NOL4L: variants seen among roughly 807,000 people sequenced by gnomAD.
NOL4L encodes the protein nucleolar protein 4-like.
NOL4L carries 7 observed loss-of-function variants against 64.5 expected under a neutral mutation model. That is an observed-to-expected ratio of 0.11 (90% CI 0.06 to 0.20). NOL4L has a LOEUF of 0.20. NOL4L is among the 10% of genes least tolerant of loss of function. The probability of loss-of-function intolerance (pLI) is 1.00; values close to 1 mark genes in which losing one functional copy is unlikely to be tolerated. For missense variants in NOL4L, 680 were observed against 967.1 expected (o/e 0.70, Z 3.94); for synonymous variants, 413 against 401.0 (o/e 1.03, Z -0.36).
chr20:32,547,870 C>T (rs2018752079), intron 1 of NOL4L, among the ~76,000 whole-genome samples: 1 of 152,180 alleles, frequency 6.6e-6, no homozygotes, highest in Non-Finnish European at 1.5e-5. Flanking sequence ...CTCCCATGAG[C>T]TCTGGGGCAA....
At chr20:32,578,923 G>A (rs1240525380) in intron 1 of NOL4L, among the ~76,000 whole-genome samples, 1 of 152,224 alleles carries the variant, frequency 6.6e-6, no homozygotes, top group Non-Finnish European at 1.5e-5. Context: ...GGGGGTGGCA[G>A]TGGGAAGCTG....
chr20:32,467,538 A>G (rs1456828531), intron 5 of NOL4L, among the ~76,000 whole-genome samples: 1 of 152,188 alleles, frequency 6.6e-6, no homozygotes, highest in East Asian at 1.9e-4. Context: ...ACAGGCCTCC[A>G]TGGCAGAGGG....
At chr20:32,492,271 C>T (rs760324807) in intron 4 of NOL4L, among the ~76,000 whole-genome samples, 9 of 152,172 alleles carry the variant, frequency 5.9e-5, no homozygotes, top group African/African-American at 1.9e-4. Context: ...AAACTACTGA[C>T]GCATGCCATA....
intron 1 of NOL4L, among the ~76,000 whole-genome samples, chr20:32,542,117 G>A (rs1399353773): frequency 6.6e-6 from 1 of 152,210 alleles, no homozygotes; most frequent in African/African-American, 2.4e-5. Context: ...CAGAATGGCT[G>A]GGGCAAGGTC....
intron 2 of NOL4L, among the ~76,000 whole-genome samples, chr20:32,521,140 G>A (rs2017918691): frequency 6.6e-6 from 1 of 152,164 alleles, no homozygotes; most frequent in South Asian, 2.1e-4. Context: ...CAATAAAGGA[G>A]GTTAAAAATT....
chr20:32,538,866 G>A (rs1328395625), intron 1 of NOL4L, among the ~76,000 whole-genome samples: 4 of 152,224 alleles, frequency 2.6e-5, no homozygotes, highest in African/African-American at 7.2e-5. Flanking sequence ...GCCCTCTCCC[G>A]GAAAGGGAGA....
chr20:32,479,680 A>G (rs1600716378), intron 4 of NOL4L, among the ~76,000 whole-genome samples: 1 of 152,138 alleles, frequency 6.6e-6, no homozygotes, highest in African/African-American at 2.4e-5. Context: ...CCCTTTGGAC[A>G]CCCTGAAGCC....
At chr20:32,497,862 G>A (rs1406799785) in intron 4 of NOL4L, among the ~76,000 whole-genome samples, 2 of 152,198 alleles carry the variant, frequency 1.3e-5, no homozygotes, top group African/African-American at 4.8e-5. Flanking sequence ...GGACGCCCAG[G>A]TAGCAGCTCC....
intron 1 of NOL4L, among the ~76,000 whole-genome samples, chr20:32,583,513 G>A (rs1190028714): frequency 2.1e-5 from 3 of 142,816 alleles, no homozygotes; most frequent in African/African-American, 7.7e-5. Flanking sequence ...CCCGGCTCTC[G>A]CGCTCCGGCC....
chr20:32,450,782 G>T (rs558959520), intron 10 of NOL4L, among the ~76,000 whole-genome samples: 4 of 152,180 alleles, frequency 2.6e-5, no homozygotes, highest in Non-Finnish European at 5.9e-5. Flanking sequence ...CCATGTGTAG[G>T]GGGGGCAGGG....
At chr20:32,457,983 A>T (rs1277717811) in intron 5 of NOL4L, among the ~76,000 whole-genome samples, 1 of 152,098 alleles carries the variant, frequency 6.6e-6, no homozygotes, top group Non-Finnish European at 1.5e-5. Flanking sequence ...CTCCTGGGGG[A>T]CAGATGTGCC....
At chr20:32,560,727 C>T (rs1344792025) in intron 1 of NOL4L, among the ~76,000 whole-genome samples, 1 of 152,220 alleles carries the variant, frequency 6.6e-6, no homozygotes, top group Non-Finnish European at 1.5e-5. Context: ...TGGGTTTCAA[C>T]CCAGCCCTCC....
chr20:32,447,429 A>AAAATT lies in NOL4L; in HGVS notation c.*166_*167insAATTT. The AAAATT allele has an allele frequency of 4.0e-6, 3 of 757,710 alleles. No individual in the cohort carries two copies. The highest frequency in any genetic ancestry group is 6.1e-6 in the Non-Finnish European group (3 of 494,144). The allele number at this position is 757,710 out of a possible 1,614,324, so 46.9% of individuals were successfully genotyped here. Reference sequence around the variant, plus strand: ...AAAAAAAAAAAAAAAAAAAAAAAAAAGTGTCCTTGTGCCCAAAGTCTCAGG... The same window carrying AAAATT: ...AAAAAAAAAAAAAAAAAAAAAAAAAAAAATTGTGTCCTTGTGCCCAAAGTCTCAGG... On this transcript the variant is annotated 3_prime_UTR_variant, in exon 11 of 11. Coordinates refer to ENST00000621426, the MANE Select transcript of NOL4L (RefSeq NM_001256798.2).
In NOL4L at chr20:32,511,398, G is replaced by A; in HGVS notation, c.648C>T (p.Thr216=). The change falls in exon 4 of 11, where the codon ACC becomes ACT. Residue 216 remains threonine (T), a synonymous_variant. Coordinates refer to ENST00000621426, the MANE Select transcript of NOL4L (RefSeq NM_001256798.2). ...GCTTCATCTGCTTCAGGTAGGTGGA[G>A]GTGAGGGGCATGTTGTAATCAATAA... ...SGIIDYNMPL[T]STYLKQMKLR... 1.3e-6 allele frequency: 2 copies of A among 1,550,520 alleles called. No individual in the cohort carries two copies. Among genetic ancestry groups the A allele is most frequent in the South Asian group, 2.4e-5 (2 of 84,050 alleles).
At chr20:32,471,362 C>A (rs1600694530) in intron 5 of NOL4L, among the ~76,000 whole-genome samples, 1 of 137,932 alleles carries the variant, frequency 7.2e-6, no homozygotes, top group African/African-American at 2.9e-5. Context: ...AGGCAAGCTC[C>A]CGGGGAGTGA....
At chr20:32,481,568 C>G (rs79031111) in intron 4 of NOL4L, among the ~76,000 whole-genome samples, 2,218 of 152,226 alleles carry the variant, frequency 0.015, 52 homozygotes, top group African/African-American at 0.051. Context: ...GGAGGAAGGC[C>G]GCAGTGAGCT....
intron 1 of NOL4L, among the ~76,000 whole-genome samples, chr20:32,540,429 C>T (rs1389805819): frequency 2.6e-5 from 4 of 152,224 alleles, no homozygotes; most frequent in African/African-American, 9.6e-5. Flanking sequence ...CAGTCTCACA[C>T]ACAATTACAC....
chr20:32,536,294 G>T (rs1013070446), intron 1 of NOL4L: 2 of 985,242 alleles, frequency 2.0e-6, no homozygotes, highest in African/African-American at 1.7e-5. Context: ...CCCCGCGGGC[G>T]GGTCCCTCTC....
At position 32,460,434 on chromosome 20, in the gene NOL4L, G is replaced by A. The variant is rs1031528941; in HGVS notation, c.842-4039C>T. Among the ~76,000 whole-genome samples the A allele has an allele frequency of 1.3e-5, 2 of 152,124 alleles. No homozygotes were observed. The highest frequency in any genetic ancestry group is 2.4e-5 in the African/African-American group (1 of 41,422). On this transcript the variant is annotated intron_variant, in intron 5 of 10. Transcript: ENST00000621426. This position sits in a 1 kb window ranked among gnomAD's most constrained non-coding sequence, Gnocchi z 5.7. ...CCACACAGCTGCCCCCGCGCCACAT[G>A]CTCTGGGGGCTGCCTGCAACCTGAG...
Sources: allele counts gnomAD v4.1 joint callset (sites outside exome capture counted in the v4.1 genomes callset), GRCh38; gene constraint gnomAD v4.1.1; non-coding constraint Gnocchi (gnomAD v3.1); transcripts MANE v1.5; gene names NCBI Gene and HGNC (gene_info 2026-07-23, HGNC 2026-07-21).